The following NKAIN3 variants were observed in gnomAD, a reference collection of about 807,000 sequenced individuals.
The protein encoded by NKAIN3 is sodium/potassium transporting ATPase interacting 3, also known as sodium/potassium-transporting ATPase subunit beta-1-interacting protein 3.
In NKAIN3, 25 loss-of-function variants were observed where a neutral mutation model predicts 30.2. That is an observed-to-expected ratio of 0.83 (90% CI 0.60 to 1.16). The LOEUF is 1.16. NKAIN3 is among the 50% of genes most tolerant of loss of function. NKAIN3 has a pLI of 0.00. For synonymous variants in NKAIN3, 91 were observed against 89.6 expected (o/e 1.02, Z -0.09); for missense variants, 225 against 254.1 (o/e 0.89, Z 0.78).
At position 62,746,931 on chromosome 8, in the gene NKAIN3, G is replaced by T; in HGVS notation, c.274-1G>T. 1 of 1,594,864 alleles carries T rather than the reference G, an allele frequency of 6.3e-7. No homozygotes were observed. Among genetic ancestry groups the T allele is most frequent in the Non-Finnish European group, 8.6e-7 (1 of 1,164,456 alleles). ...TGCTCTTTTGTCTCCTACCCACCTA[G>T]GACACCGATCTAATGACATTCAATA... On this transcript the variant is annotated splice_acceptor_variant, in intron 3 of 6. Coordinates refer to ENST00000623646, the MANE Select transcript of NKAIN3 (RefSeq NM_001304533.3). LOFTEE classifies it high-confidence loss of function.
At chr8:62,956,013 G>A (rs1289527732) in intron 6 of NKAIN3, among the ~76,000 whole-genome samples, 1 of 152,150 alleles carries the variant, frequency 6.6e-6, no homozygotes, top group Non-Finnish European at 1.5e-5. Context: ...CAACCATGAA[G>A]GAAGCAAAAA....
intron 1 of NKAIN3, among the ~76,000 whole-genome samples, chr8:62,387,904 T>G (rs747153963): frequency 6.6e-6 from 1 of 152,218 alleles, no homozygotes; most frequent in Non-Finnish European, 1.5e-5. Flanking sequence ...TATGGCTTCT[T>G]GTTATCTTAG....
intron 4 of NKAIN3, among the ~76,000 whole-genome samples, chr8:62,852,176 A>C (rs1236278478): frequency 6.6e-6 from 1 of 152,010 alleles, no homozygotes; most frequent in Non-Finnish European, 1.5e-5. Context: ...TTCCTGATTT[A>C]GTCTTGGGAG....
intron 1 of NKAIN3, among the ~76,000 whole-genome samples, chr8:62,268,741 T>A (rs1252771918): frequency 1.3e-4 from 20 of 152,156 alleles, no homozygotes; most frequent in Admixed American, 1.3e-3. Context: ...TGCTGGCCGA[T>A]AAACAGAGCT....
chr8:62,325,978 T>G (rs1815107907), intron 1 of NKAIN3, among the ~76,000 whole-genome samples: 1 of 152,068 alleles, frequency 6.6e-6, no homozygotes, highest in African/African-American at 2.4e-5. Flanking sequence ...TATTGATTAT[T>G]TATTTTGCTG....
chr8:62,886,436 A>G (rs1472659300), intron 4 of NKAIN3, among the ~76,000 whole-genome samples: 1 of 152,132 alleles, frequency 6.6e-6, no homozygotes, highest in East Asian at 1.9e-4. Flanking sequence ...TGTTTATTTT[A>G]TCTTCACTTA....
intron 5 of NKAIN3, among the ~76,000 whole-genome samples, chr8:62,952,556 G>A (rs144183534): frequency 1.0e-3 from 158 of 152,228 alleles, no homozygotes; most frequent in African/African-American, 3.7e-3. Context: ...TTGAAGAACT[G>A]CTTTGTAAAT....
intron 4 of NKAIN3, among the ~76,000 whole-genome samples, chr8:62,873,718 C>G (rs980336469): frequency 6.6e-6 from 1 of 151,762 alleles, no homozygotes; most frequent in Non-Finnish European, 1.5e-5. Context: ...ACTGAACAAC[C>G]TGCTCCTGAA....
chr8:62,400,332 C>A (rs549191778), intron 1 of NKAIN3, among the ~76,000 whole-genome samples: 317 of 151,908 alleles, frequency 2.1e-3, no homozygotes, highest in African/African-American at 7.4e-3. Flanking sequence ...CCACCATGCC[C>A]AGCTAATTTT....
chr8:62,373,974 G>A (rs540268695), intron 1 of NKAIN3, among the ~76,000 whole-genome samples: 39 of 151,808 alleles, frequency 2.6e-4, no homozygotes, highest in East Asian at 1.2e-3. Context: ...TTAGCCAGGC[G>A]TGGTGGCAGG....
rs191469368 is a variant in NKAIN3, at chr8:62,800,244, A to G, written c.471+53115A>G. Among the ~76,000 whole-genome samples the G allele has an allele frequency of 7.9e-4, 120 of 152,292 alleles. 2 individuals carry two copies. The highest frequency in any genetic ancestry group is 4.2e-3 in the Admixed American group (64 of 15,298). On this transcript the variant is annotated intron_variant, in intron 4 of 6. Coordinates refer to ENST00000623646, the MANE Select transcript of NKAIN3 (RefSeq NM_001304533.3). Reference sequence around the variant, plus strand: ...AACAAATAAATAAATAAAAAGTTAAATTGGCCATACTGCATATGCAATGGG... The same window carrying G: ...AACAAATAAATAAATAAAAAGTTAAGTTGGCCATACTGCATATGCAATGGG...
intron 1 of NKAIN3, among the ~76,000 whole-genome samples, chr8:62,320,580 T>C (rs4255129): frequency 0.99 from 150,531 of 152,164 alleles, 74,462 homozygotes; most frequent in East Asian, 1. Flanking sequence ...TTTATTTCTC[T>C]TTCACTTATG....
intron 4 of NKAIN3, chr8:62,856,214 T>C: frequency 1.2e-6 from 1 of 815,536 alleles, no homozygotes; most frequent in Non-Finnish European, 2.2e-6. Flanking sequence ...TGTCTGGGTC[T>C]TGGTTTTCAC....
At chr8:62,751,745 TAG>T (rs1218844194) in intron 4 of NKAIN3, among the ~76,000 whole-genome samples, 1 of 152,110 alleles carries the variant, frequency 6.6e-6, no homozygotes, top group East Asian at 1.9e-4. Flanking sequence ...GTATAATATA[TAG>T]ATAGTATGTG....
At position 62,977,150 on chromosome 8, in the gene NKAIN3, G is replaced by C. The variant is rs532148825; in HGVS notation, c.*11743G>C. ...TCAGTTCAACCTTGGTGAATCTGAC[G>C]ATTATGTGTCTTGGGGTTGCTCTTC... On this transcript the variant is annotated 3_prime_UTR_variant, in exon 7 of 7. Coordinates refer to ENST00000623646, the MANE Select transcript of NKAIN3 (RefSeq NM_001304533.3). Among the ~76,000 whole-genome samples the C allele has an allele frequency of 6.6e-6, 1 of 152,096 alleles. No individual in the cohort carries two copies. Among genetic ancestry groups the C allele is most frequent in the East Asian group, 1.9e-4 (1 of 5,182 alleles).
intron 1 of NKAIN3, among the ~76,000 whole-genome samples, chr8:62,279,686 A>G (rs1337607029): frequency 6.6e-6 from 1 of 152,130 alleles, no homozygotes; most frequent in African/African-American, 2.4e-5. Flanking sequence ...ATGGCTGTAG[A>G]TAAGTGGTAT....
At chr8:62,500,876 G>T (rs1585878131) in intron 1 of NKAIN3, among the ~76,000 whole-genome samples, 1 of 152,128 alleles carries the variant, frequency 6.6e-6, no homozygotes, top group African/African-American at 2.4e-5. Context: ...ATGTCTATGT[G>T]ATGATCCTGG....
At chr8:62,524,302 C>T (rs996139365) in intron 1 of NKAIN3, among the ~76,000 whole-genome samples, 1 of 151,928 alleles carries the variant, frequency 6.6e-6, no homozygotes, top group Non-Finnish European at 1.5e-5. Context: ...TTAAGAATAA[C>T]AAACAGGCTA....
chr8:62,494,040 G>C lies in NKAIN3; in HGVS notation c.55-85499G>C, dbSNP rs1276328377. Among the ~76,000 whole-genome samples the C allele has an allele frequency of 2.0e-5, 3 of 152,106 alleles. No homozygotes were observed. The East Asian group carries it at 5.8e-4, about 29-fold the overall frequency. ...TTCTTTCTCTTGCCTGATTGCTCTGGCCACGACTTCCAATACTATGTTGAA... is the reference window on the plus strand; with the variant it reads ...TTCTTTCTCTTGCCTGATTGCTCTGCCCACGACTTCCAATACTATGTTGAA... On this transcript the variant is annotated intron_variant, in intron 1 of 6. Coordinates refer to ENST00000623646, the MANE Select transcript of NKAIN3 (RefSeq NM_001304533.3).
Sources: gnomAD v4.1 joint callset for allele counts (sites outside exome capture counted in the v4.1 genomes callset) on GRCh38, gnomAD v4.1.1 for gene constraint, MANE v1.5 for transcripts, NCBI Gene and HGNC (gene_info 2026-07-23, HGNC 2026-07-21) for gene names.